SYNE1: variants seen among roughly 807,000 people sequenced by gnomAD.
The protein encoded by SYNE1 is nesprin-1.
Under a neutral mutation model 1,111.0 loss-of-function variants are expected in SYNE1, and 616 were observed. The ratio of observed to expected loss-of-function variants is 0.55; its 90% CI spans 0.52 to 0.59. SYNE1 has a LOEUF of 0.59. Among genes scored for constraint, SYNE1 ranks in the 20% least tolerant of loss-of-function variants. The pLI is 0.00. For synonymous variants in SYNE1, 3,855 were observed against 3,825.8 expected, an observed-to-expected ratio of 1.01 and a Z score of -0.28; for missense variants, 10,006 against 10,417.0, an observed-to-expected ratio of 0.96 and a Z score of 1.72.
chr6:152,190,099 A>G (rs2071788149), intron 127 of SYNE1, among the ~76,000 whole-genome samples: 1 of 152,208 alleles, frequency 6.6e-6, no homozygotes, highest in Admixed American at 6.5e-5. Context: ...CCAGAAGTAG[A>G]TTCCATTTCA....
At chr6:152,574,644 C>G (rs142238962) in intron 3 of SYNE1, among the ~76,000 whole-genome samples, 15 of 152,190 alleles carry the variant, frequency 9.9e-5, no homozygotes, top group Non-Finnish European at 2.1e-4. Flanking sequence ...AAGTAAATAC[C>G]GTAGTTGTTT....
chr6:152,143,258 T>A (rs1366509106), intron 138 of SYNE1, among the ~76,000 whole-genome samples: 4 of 152,220 alleles, frequency 2.6e-5, no homozygotes, highest in Non-Finnish European at 4.4e-5. Flanking sequence ...TAGTAATCTA[T>A]TAGCTAAAAT....
intron 96 of SYNE1, among the ~76,000 whole-genome samples, chr6:152,282,573 G>A (rs745334011): frequency 5.9e-5 from 9 of 151,946 alleles, no homozygotes; most frequent in East Asian, 3.9e-4. Context: ...GACGTCAATC[G>A]CTTCATTTTG....
intron 93 of SYNE1, among the ~76,000 whole-genome samples, chr6:152,298,544 G>C (rs922410803): frequency 6.6e-6 from 1 of 151,802 alleles, no homozygotes; most frequent in African/African-American, 2.4e-5. Flanking sequence ...CTACTTGCAG[G>C]AACAGCAGGC....
At chr6:152,135,404 G>T (rs1246536900) in intron 141 of SYNE1, among the ~76,000 whole-genome samples, 172 bp from the exon 142 acceptor site, 3 of 152,186 alleles carry the variant, frequency 2.0e-5, no homozygotes, top group African/African-American at 7.2e-5. Flanking sequence ...GTGAGTTCAC[G>T]TTCTTACCAA....
intron 11 of SYNE1, among the ~76,000 whole-genome samples, chr6:152,495,208 C>T (rs1296559968): frequency 1.3e-5 from 2 of 152,178 alleles, no homozygotes; most frequent in African/African-American, 4.8e-5. Flanking sequence ...CCAGGATTGG[C>T]AGATTGACTT....
chr6:152,497,809 C>T (rs557467542), intron 11 of SYNE1, among the ~76,000 whole-genome samples: 25 of 152,164 alleles, frequency 1.6e-4, no homozygotes, highest in Middle Eastern at 3.2e-3. Flanking sequence ...TAGTCTAGGG[C>T]TTTTCTTCAA....
intron 21 of SYNE1, 24 bp downstream of exon 21, chr6:152,461,573 T>C (rs1244483789): frequency 1.2e-6 from 2 of 1,613,760 alleles, no homozygotes; most frequent in Non-Finnish European, 8.5e-7. Context: ...ACACAGCCTA[T>C]TGTGCATTAA....
At chr6:152,145,236 A>C (rs532679859) in intron 137 of SYNE1, 76 of 530,100 alleles carry the variant, frequency 1.4e-4, no homozygotes, top group African/African-American at 1.4e-3. Context: ...AATGGACATG[A>C]GAGGTCTATA....
intron 93 of SYNE1, among the ~76,000 whole-genome samples, chr6:152,296,784 C>T (rs1450484420): frequency 6.6e-6 from 1 of 151,996 alleles, no homozygotes; most frequent in Admixed American, 6.5e-5. Flanking sequence ...ACACTGGGCC[C>T]TGTGTCTTTG....
chr6:152,274,785 G>A (rs746920486), intron 98 of SYNE1, among the ~76,000 whole-genome samples: 15 of 152,008 alleles, frequency 9.9e-5, no homozygotes, highest in African/African-American at 3.4e-4. Flanking sequence ...TAGTATAGAC[G>A]GAGTTTCACT....
At chr6:152,612,514 C>G (rs1307364659) in intron 3 of SYNE1, among the ~76,000 whole-genome samples, 1 of 152,014 alleles carries the variant, frequency 6.6e-6, no homozygotes, top group Admixed American at 6.6e-5. Flanking sequence ...AATGGCCTAC[C>G]AACCAAAAAA....
chr6:152,381,831 A>G (rs1302906505), intron 55 of SYNE1, among the ~76,000 whole-genome samples: 1 of 152,188 alleles, frequency 6.6e-6, no homozygotes, highest in Non-Finnish European at 1.5e-5. Flanking sequence ...TCTACTAGGA[A>G]TCAAGCAGAC....
chr6:152,211,408 G>T, intron 124 of SYNE1, 86 bp downstream of exon 124: 2 of 1,126,330 alleles, frequency 1.8e-6, no homozygotes, highest in Non-Finnish European at 2.7e-6. Flanking sequence ...AGGAAGATTG[G>T]ATATATGCCC....
rs1590816471 is a variant in SYNE1, at chr6:152,350,538, A to G, written c.11733+80T>C. 4 of 1,594,040 alleles carry G rather than the reference A, an allele frequency of 2.5e-6. No individual in the cohort carries two copies. In the East Asian group the frequency reaches 8.9e-5, roughly 36 times the overall value. ...ATACTAACCCGTACCAGGCCTTAAA[A>G]TTACATGACAGAGAGAAAGGAGTCA... On this transcript the variant is annotated intron_variant, in intron 71 of 145. Coordinates refer to ENST00000367255, the MANE Select transcript of SYNE1 (RefSeq NM_182961.4).
At position 152,530,468 on chromosome 6, in the gene SYNE1, GTT is replaced by G. The variant is rs71017540; in HGVS notation, c.130-4295_130-4294del. Among the ~76,000 whole-genome samples, 590 of 137,370 alleles carry G rather than the reference GTT, an allele frequency of 4.3e-3. 2 individuals carry two copies. The highest frequency in any genetic ancestry group is 6.4e-3 in the Non-Finnish European group (410 of 64,022). 90.1% of individuals were successfully genotyped at this position (137,370 alleles called of 152,430 possible). A position where few individuals can be genotyped will look rare whatever the true frequency, so the allele number is the denominator to read the frequency against. On this transcript the variant is annotated intron_variant, in intron 4 of 145. Coordinates refer to ENST00000367255, the MANE Select transcript of SYNE1 (RefSeq NM_182961.4). ...ATCTTCAGAAGAACCTAATTGTATG[GTT>G]TTTTTTTTTTTTTTTTTACTAAAAC...
Position 152,442,194 on chromosome 6 carries a change from C to G in SYNE1, c.3889G>C (p.Ala1297Pro). 1.2e-6 allele frequency: 2 copies of G among 1,613,680 alleles called. No individual in the cohort carries two copies. Among genetic ancestry groups the G allele is most frequent in the Non-Finnish European group, 1.7e-6 (2 of 1,180,044 alleles). The change falls in exon 31 of 146, where the codon GCG (alanine) becomes CCG (proline). Residue 1297 changes from alanine to proline, a missense_variant. Coordinates refer to ENST00000367255, the MANE Select transcript of SYNE1 (RefSeq NM_182961.4). ...AKKRDVQQQI[A>P]QAQQGEGGLP... is the part of the protein sequence containing the mutation. Reference sequence around the variant, plus strand: ...CCCCCTTCTCCCTGCTGCGCCTGCGCGATCTGCTGCTGCACATCTCTCTTC... The same window carrying G: ...CCCCCTTCTCCCTGCTGCGCCTGCGGGATCTGCTGCTGCACATCTCTCTTC...
In SYNE1 at chr6:152,471,639, G is replaced by T; in HGVS notation, c.1590C>A (p.Tyr530Ter). 1 of 1,613,852 alleles carries T rather than the reference G, an allele frequency of 6.2e-7. No homozygotes were observed. The highest frequency in any genetic ancestry group is 8.5e-7 in the Non-Finnish European group (1 of 1,179,854). ...ESKLKSWIIK[Y>*]GRRESVEQLL... ...GCTGCTCCACTGACTCTCTCCTCCC[G>T]TACTTAATGATCCAAGACTTCAGCT... Residue 530 changes from tyrosine (Y) to a stop codon, truncating the protein, a stop_gained, in exon 16 of 146, where the codon TAC becomes TAA. Transcript: ENST00000367255. LOFTEE classifies it high-confidence loss of function.
chr6:152,465,339 G>A lies in SYNE1; in HGVS notation c.1851C>T (p.Arg617=). Residue 617 remains arginine, a synonymous_variant, in exon 18 of 146, where the codon CGC becomes CGT. Transcript: ENST00000367255. The part of the protein sequence containing the change: ...MLEEVISNWD[R]YGNTVASLQA... ...GCAGACTAGCCACTGTATTGCCATA[G>A]CGATCCCAGTTAGAGATCACTTCTT... 6.2e-7 allele frequency: 1 copy of A among 1,613,742 alleles called. No individual in the cohort carries two copies. The highest frequency in any genetic ancestry group is 8.5e-7 in the Non-Finnish European group (1 of 1,179,808).
Sources: allele counts gnomAD v4.1 joint callset (sites outside exome capture counted in the v4.1 genomes callset), GRCh38; gene constraint gnomAD v4.1.1; transcripts MANE v1.5; gene names NCBI Gene and HGNC (gene_info 2026-07-23, HGNC 2026-07-21).